The following CSGALNACT1 variants were observed in gnomAD, a reference collection of about 807,000 sequenced individuals.
CSGALNACT1 encodes beta4GalNAcT-1.
A neutral mutation model predicts 51.0 loss-of-function variants in CSGALNACT1; 52 were observed. The ratio of observed to expected loss-of-function variants is 1.02; its 90% confidence interval spans 0.82 to 1.29. CSGALNACT1 has a LOEUF of 1.29. Among genes scored for constraint, CSGALNACT1 ranks in the 50% most tolerant of loss-of-function variants. The probability of loss-of-function intolerance (pLI) is 0.00; values close to 1 mark genes in which losing one functional copy is unlikely to be tolerated. For synonymous variants in CSGALNACT1, 341 were observed against 254.4 expected (o/e 1.34, Z -3.24); for missense variants, 935 against 679.2 (o/e 1.38, Z -4.19).
At chr8:19,495,870 G>A (rs2075357572) in intron 4 of CSGALNACT1, among the ~76,000 whole-genome samples, 1 of 152,186 alleles carries the variant, frequency 6.6e-6, no homozygotes, top group Non-Finnish European at 1.5e-5. Flanking sequence ...GGAAAAGGTA[G>A]ACAGTTCTGG....
chr8:19,570,112 G>C (rs921939193), intron 3 of CSGALNACT1, among the ~76,000 whole-genome samples: 3 of 150,852 alleles, frequency 2.0e-5, no homozygotes, highest in Non-Finnish European at 2.9e-5. Flanking sequence ...TTTGGTTCTA[G>C]AAGTGGTCTA....
At chr8:19,453,642 T>A (rs1467207618) in intron 5 of CSGALNACT1, among the ~76,000 whole-genome samples, 2 of 152,210 alleles carry the variant, frequency 1.3e-5, no homozygotes. Context: ...CCAGGTGTGG[T>A]GGCTCACACT....
At chr8:19,483,028 G>T (rs1209487796) in intron 4 of CSGALNACT1, among the ~76,000 whole-genome samples, 2 of 152,238 alleles carry the variant, frequency 1.3e-5, no homozygotes, top group East Asian at 1.9e-4. Flanking sequence ...CATTCACATA[G>T]ATGTTTACTA....
At chr8:19,690,718 T>C (rs1292543265) in intron 1 of CSGALNACT1, among the ~76,000 whole-genome samples, 3 of 152,190 alleles carry the variant, frequency 2.0e-5, no homozygotes, top group Non-Finnish European at 2.9e-5. Flanking sequence ...TAATATGTGA[T>C]TGAAACTCCG....
chr8:19,664,999 A>G (rs74451818), intron 1 of CSGALNACT1, among the ~76,000 whole-genome samples: 9,317 of 152,250 alleles, frequency 0.061, 328 homozygotes, highest in African/African-American at 0.1. Context: ...CATTCATGTA[A>G]CAAAAATGCA....
intron 1 of CSGALNACT1, among the ~76,000 whole-genome samples, chr8:19,670,672 A>AAG (rs1589413888): frequency 1.4e-5 from 2 of 144,204 alleles, no homozygotes; most frequent in South Asian, 2.2e-4. Flanking sequence ...AAAAAAAAAA[A>AAG]AGAGAAAATA....
At chr8:19,495,379 T>C (rs1339709979) in intron 4 of CSGALNACT1, among the ~76,000 whole-genome samples, 1 of 152,168 alleles carries the variant, frequency 6.6e-6, no homozygotes, top group Non-Finnish European at 1.5e-5. Flanking sequence ...TGTGGTGAAG[T>C]CCTCAGACCA....
At chr8:19,573,225 T>A (rs1160850328) in intron 3 of CSGALNACT1, among the ~76,000 whole-genome samples, 2 of 152,212 alleles carry the variant, frequency 1.3e-5, no homozygotes, top group African/African-American at 4.8e-5. Flanking sequence ...ACCCACTTCT[T>A]CATTCAAACA....
At chr8:19,660,451 C>G (rs2058660334) in intron 1 of CSGALNACT1, among the ~76,000 whole-genome samples, 1 of 152,168 alleles carries the variant, frequency 6.6e-6, no homozygotes, top group African/African-American at 2.4e-5. Flanking sequence ...ACCCTGTAAC[C>G]TCTCTGTAAC....
intron 3 of CSGALNACT1, among the ~76,000 whole-genome samples, chr8:19,517,243 G>A (rs1306118674): frequency 6.6e-6 from 1 of 152,116 alleles, no homozygotes; most frequent in Non-Finnish European, 1.5e-5. Context: ...TTCGAGATCA[G>A]CAGCCTGACC....
intron 1 of CSGALNACT1, among the ~76,000 whole-genome samples, chr8:19,740,021 C>A (rs1478327273): frequency 6.6e-6 from 1 of 152,164 alleles, no homozygotes; most frequent in African/African-American, 2.4e-5. Context: ...CTGCTGGGCC[C>A]CTTTAACCAA....
At chr8:19,741,415 T>G (rs1004118033) in intron 1 of CSGALNACT1, among the ~76,000 whole-genome samples, 2 of 151,922 alleles carry the variant, frequency 1.3e-5, no homozygotes, top group East Asian at 3.9e-4. Flanking sequence ...ATACAAAAAT[T>G]AGCCGGGCGT....
chr8:19,524,315 G>C (rs1468272106), intron 3 of CSGALNACT1, among the ~76,000 whole-genome samples: 3 of 152,040 alleles, frequency 2.0e-5, no homozygotes, highest in Non-Finnish European at 4.4e-5. Context: ...ATCTAATTAA[G>C]ATTTTCCATT....
At chr8:19,486,623 C>G (rs1432417397) in intron 4 of CSGALNACT1, among the ~76,000 whole-genome samples, 2 of 152,178 alleles carry the variant, frequency 1.3e-5, no homozygotes, top group Admixed American at 6.5e-5. Flanking sequence ...GTGGCCACCT[C>G]TTTCTCTTCA....
intron 6 of CSGALNACT1, among the ~76,000 whole-genome samples, chr8:19,439,049 C>A (rs992398522): frequency 6.6e-6 from 1 of 152,210 alleles, no homozygotes; most frequent in Non-Finnish European, 1.5e-5. Context: ...AACCACCCAC[C>A]TGATTACTCA....
At chr8:19,638,772 C>G (rs1395961759) in intron 1 of CSGALNACT1, among the ~76,000 whole-genome samples, 1 of 151,914 alleles carries the variant, frequency 6.6e-6, no homozygotes, top group Admixed American at 6.6e-5. Flanking sequence ...TTCATTTGCT[C>G]CCCACCAAGA....
chr8:19,577,785 G>C (rs903249323), intron 3 of CSGALNACT1, among the ~76,000 whole-genome samples: 4 of 152,128 alleles, frequency 2.6e-5, no homozygotes, highest in Non-Finnish European at 5.9e-5. Context: ...CAACTTTGGA[G>C]TTAATACTGT....
At chr8:19,691,588 C>T (rs891920619) in intron 1 of CSGALNACT1, among the ~76,000 whole-genome samples, 7 of 152,276 alleles carry the variant, frequency 4.6e-5, no homozygotes, top group South Asian at 4.1e-4. Context: ...ACAGCCCTGA[C>T]GATAACGCAG....
Position 19,723,923 on chromosome 8 carries a change from T to C in CSGALNACT1, c.-297+33927A>G, listed in dbSNP as rs531206923. 3.3e-4 allele frequency among the ~76,000 whole-genome samples: 51 copies of C among 152,276 alleles called. 1 individual carries two copies. The highest frequency in any genetic ancestry group is 1.2e-3 in the African/African-American group (48 of 41,556). ...GGTCTATTTTTAAAGATTAGGAAAC[T>C]TTTTTCAATCAATAGAAGTAGTAAC... On this transcript the variant is annotated intron_variant, in intron 1 of 1. Transcript: ENST00000517494.
Sources: gnomAD v4.1 joint callset for allele counts (sites outside exome capture counted in the v4.1 genomes callset) on GRCh38, gnomAD v4.1.1 for gene constraint, MANE v1.5 for transcripts, NCBI Gene and HGNC (gene_info 2026-07-23, HGNC 2026-07-21) for gene names.